Variants in GRM8 observed in about 807,000 individuals in gnomAD.
GRM8 encodes the protein metabotropic glutamate receptor 8.
In GRM8, 47 loss-of-function variants were observed where a neutral mutation model predicts 87.2. The ratio of observed to expected loss-of-function variants is 0.54; its 90% CI spans 0.43 to 0.69. The LOEUF (loss-of-function observed/expected upper bound fraction) is 0.69, where lower values mean the gene tolerates loss of function less well. GRM8 is among the 30% of genes least tolerant of loss of function. The pLI, the probability that GRM8 is intolerant of heterozygous loss-of-function variation, is 0.00. For missense variants in GRM8, 1,019 were observed against 1,139.2 expected, an observed-to-expected ratio of 0.89 and a Z score of 1.52; for synonymous variants, 396 against 404.5, an observed-to-expected ratio of 0.98 and a Z score of 0.25.
intron 6 of GRM8, among the ~76,000 whole-genome samples, chr7:126,829,160 G>A (rs1017636139): frequency 3.3e-5 from 5 of 150,268 alleles, no homozygotes; most frequent in African/African-American, 1.2e-4. Flanking sequence ...GTGTGATGCT[G>A]AAAAAAATGT....
At chr7:126,491,896 C>G (rs1310512425) in intron 9 of GRM8, among the ~76,000 whole-genome samples, 1 of 151,902 alleles carries the variant, frequency 6.6e-6, no homozygotes, top group Non-Finnish European at 1.5e-5. Context: ...TCCACAAGAC[C>G]TGTTTCCTCA....
At chr7:126,679,322 G>A (rs1427870176) in intron 7 of GRM8, among the ~76,000 whole-genome samples, 2 of 152,132 alleles carry the variant, frequency 1.3e-5, no homozygotes, top group Non-Finnish European at 2.9e-5. Flanking sequence ...ATTTTTGGAC[G>A]CATGGACAAA....
chr7:126,951,230 A>G (rs991180237), intron 3 of GRM8, among the ~76,000 whole-genome samples: 1 of 152,136 alleles, frequency 6.6e-6, no homozygotes, highest in African/African-American at 2.4e-5. Flanking sequence ...GCCCATTTGT[A>G]CAAAGAAAAT....
chr7:127,094,697 C>T (rs1453096090), intron 3 of GRM8, among the ~76,000 whole-genome samples: 1 of 152,146 alleles, frequency 6.6e-6, no homozygotes, highest in Non-Finnish European at 1.5e-5. Context: ...TTCAAGCCAC[C>T]CAGTTTATGG....
chr7:126,807,818 C>T (rs1792926672), intron 6 of GRM8, among the ~76,000 whole-genome samples: 1 of 152,130 alleles, frequency 6.6e-6, no homozygotes, highest in East Asian at 1.9e-4. Flanking sequence ...TAACTCCACA[C>T]AAGACTAGCA....
At chr7:126,825,612 A>G (rs1288005307) in intron 6 of GRM8, among the ~76,000 whole-genome samples, 1 of 152,204 alleles carries the variant, frequency 6.6e-6, no homozygotes, top group East Asian at 1.9e-4. Context: ...ATAGTGTTAA[A>G]GGACTGGGTA....
chr7:126,870,905 T>C (rs1799038690), intron 6 of GRM8, among the ~76,000 whole-genome samples: 1 of 152,094 alleles, frequency 6.6e-6, no homozygotes, highest in Non-Finnish European at 1.5e-5. Flanking sequence ...CAAAGTACAA[T>C]AAAACAAGGC....
chr7:126,877,145 A>G lies in GRM8; in HGVS notation c.1156+25397T>C, dbSNP rs544348294. On this transcript the variant is annotated intron_variant, in intron 6 of 10. Coordinates refer to ENST00000339582, the MANE Select transcript of GRM8 (RefSeq NM_000845.3). ...TGAGACAAGCCTTTCTTCAATGCCC[A>G]TTCCTTGTTGGATTCCTGGCCTTCC... Among the ~76,000 whole-genome samples the G allele has an allele frequency of 2.6e-5, 4 of 152,280 alleles. No individual in the cohort carries two copies. The South Asian group carries it at 8.3e-4, about 32-fold the overall frequency.
In GRM8 at chr7:126,725,113, G is replaced by A. The variant is rs564665903; in HGVS notation, c.1357+44752C>T. 6.2e-4 allele frequency among the ~76,000 whole-genome samples: 95 copies of A among 152,278 alleles called. 1 individual carries two copies. The highest frequency in any genetic ancestry group is 6.8e-3 in the Middle Eastern group (2 of 294). ...CAGTCTACAAGTTATCAGCAGACAG[G>A]TAGATTGTAGCCAACTTTTAGATTT... On this transcript the variant is annotated intron_variant, in intron 7 of 10. Transcript: ENST00000339582.
chr7:127,111,416 C>T lies in GRM8; in HGVS notation c.511-4704G>A, dbSNP rs17866145. The stretch of plus-strand genomic sequence containing the variant: ...GATGAAACCTCCAGTTTTTACCTAA[C>T]CACCCAGAACGTGACTACATTTCCT... On this transcript the variant is annotated intron_variant, in intron 2 of 10. Transcript: ENST00000339582. Among the ~76,000 whole-genome samples, 477 of 152,262 alleles carry T rather than the reference C, an allele frequency of 3.1e-3. 5 individuals carry two copies. The East Asian group carries it at 0.057, about 18-fold the overall frequency.
chr7:126,885,390 C>T (rs546609108), intron 6 of GRM8, among the ~76,000 whole-genome samples: 65 of 152,156 alleles, frequency 4.3e-4, no homozygotes, highest in Non-Finnish European at 9.0e-4. Flanking sequence ...AAGTTCCTAA[C>T]AGGAAGCAGC....
chr7:127,232,212 T>TGTGC (rs1491132484), intron 2 of GRM8, among the ~76,000 whole-genome samples: 1 of 143,564 alleles, frequency 7.0e-6, no homozygotes, highest in Non-Finnish European at 1.5e-5. Context: ...TGTGTGTGTG[T>TGTGC]GAGAGAGAGA....
intron 2 of GRM8, among the ~76,000 whole-genome samples, chr7:127,111,463 T>C (rs1442189840): frequency 6.6e-6 from 1 of 152,100 alleles, no homozygotes; most frequent in Non-Finnish European, 1.5e-5. Context: ...AAATGGTAAG[T>C]GAAGCTTCTG....
intron 3 of GRM8, among the ~76,000 whole-genome samples, chr7:127,090,582 C>T (rs1237220371): frequency 6.6e-6 from 1 of 152,192 alleles, no homozygotes; most frequent in African/African-American, 2.4e-5. Flanking sequence ...TTCTGGTTTT[C>T]AGATTCAAGT....
rs543738312 is a variant in GRM8 at position 126,828,914 on chromosome 7, T to G, written c.1157-58849A>C. On this transcript the variant is annotated intron_variant, in intron 6 of 10. Transcript: ENST00000339582. ...CTGGTATGTTGTGTCTTTGTTCTCG[T>G]TGGTTTCAAAGAACATCTTTATTTC... Among the ~76,000 whole-genome samples, 3 of 152,318 alleles carry G rather than the reference T, an allele frequency of 2.0e-5. No individual in the cohort carries two copies. The South Asian group carries it at 6.2e-4, about 32-fold the overall frequency.
chr7:126,906,613 G>GCACATAT (rs2131254195), intron 3 of GRM8, among the ~76,000 whole-genome samples: 1 of 152,330 alleles, frequency 6.6e-6, no homozygotes, highest in East Asian at 1.9e-4. Context: ...TTATGCTTTA[G>GCACATAT]GTAGACTTTC....
intron 6 of GRM8, among the ~76,000 whole-genome samples, chr7:126,876,172 T>C (rs1799510961): frequency 1.3e-5 from 2 of 152,200 alleles, no homozygotes; most frequent in Non-Finnish European, 2.9e-5. Flanking sequence ...ATTTCTTACA[T>C]GGCATTTACT....
intron 8 of GRM8, among the ~76,000 whole-genome samples, chr7:126,603,686 C>A (rs1798054518): frequency 6.6e-6 from 1 of 151,992 alleles, no homozygotes; most frequent in South Asian, 2.1e-4. Flanking sequence ...AAAAGGAGTG[C>A]ATCATATAAT....
chr7:127,027,658 T>G (rs1816923187), intron 3 of GRM8, among the ~76,000 whole-genome samples: 1 of 152,344 alleles, frequency 6.6e-6, no homozygotes, highest in African/African-American at 2.4e-5. Context: ...ATAGGAGTGC[T>G]TGTGATTTTT....
Sources: gnomAD v4.1 joint callset for allele counts (sites outside exome capture counted in the v4.1 genomes callset) on GRCh38, gnomAD v4.1.1 for gene constraint, MANE v1.5 for transcripts, NCBI Gene and HGNC (gene_info 2026-07-23, HGNC 2026-07-21) for gene names.